CLCN3: variants seen among roughly 807,000 people sequenced by gnomAD.
The protein encoded by CLCN3 is Cl-/H+ antiporter 3, also known as H(+)/Cl(-) exchange transporter 3.
CLCN3 carries 16 observed loss-of-function variants against 83.4 expected under a neutral mutation model. That is an observed-to-expected ratio of 0.19 (90% CI 0.13 to 0.29). The LOEUF (loss-of-function observed/expected upper bound fraction) is 0.29, where lower values mean the gene tolerates loss of function less well. Among genes scored for constraint, CLCN3 ranks in the 10% least tolerant of loss-of-function variants. The pLI is 1.00. For synonymous variants in CLCN3, 322 were observed against 346.2 expected (o/e 0.93, Z 0.78); for missense variants, 544 against 1,006.0 (o/e 0.54, Z 6.21).
intron 7 of CLCN3, among the ~76,000 whole-genome samples, chr4:169,695,384 T>A (rs183373825): frequency 1.3e-5 from 2 of 152,184 alleles, no homozygotes; most frequent in Admixed American, 6.5e-5. Flanking sequence ...CTGGCAAAAA[T>A]TTTTTTTAAC....
intron 2 of CLCN3, among the ~76,000 whole-genome samples, chr4:169,645,522 T>C (rs1247969245): frequency 1.3e-5 from 2 of 152,222 alleles, no homozygotes; most frequent in African/African-American, 2.4e-5. Context: ...TCCAGGTCAT[T>C]CCGAGGTATA....
intron 1 of CLCN3, among the ~76,000 whole-genome samples, chr4:169,632,326 T>C (rs1173286806): frequency 5.3e-5 from 8 of 152,046 alleles, no homozygotes; most frequent in Non-Finnish European, 1.2e-4. Context: ...AAGTAAGATA[T>C]ACAACTGGCC....
In CLCN3 at chr4:169,678,583, G is replaced by A. The variant is rs561816887; in HGVS notation, c.161-1467G>A. On this transcript the variant is annotated intron_variant, in intron 2 of 12. Coordinates refer to ENST00000513761, the MANE Select transcript of CLCN3 (RefSeq NM_001829.4). ...CCCTGCGGCCTTCCACAGTGTTTGTGTCCCTGGGTACTTGAGATTAGGGAG... is the reference window on the plus strand; with the variant it reads ...CCCTGCGGCCTTCCACAGTGTTTGTATCCCTGGGTACTTGAGATTAGGGAG... 2.0e-5 allele frequency among the ~76,000 whole-genome samples: 3 copies of A among 152,222 alleles called. No homozygotes were observed. The East Asian group carries it at 5.8e-4, about 29-fold the overall frequency.
At chr4:169,690,481 G>C (rs757137128) in intron 5 of CLCN3, 49 bp from the exon 6 acceptor site, 2 of 1,575,268 alleles carry the variant, frequency 1.3e-6, no homozygotes, top group Non-Finnish European at 1.7e-6. Flanking sequence ...ATTTGCATTA[G>C]AGGTGCAATG....
At chr4:169,660,532 T>C in intron 2 of CLCN3, 2 of 989,188 alleles carry the variant, frequency 2.0e-6, no homozygotes, top group South Asian at 3.6e-5. Context: ...CTGGTTCTCG[T>C]TTGTCCTTTA....
At chr4:169,686,588 T>C (rs1732167829) in intron 3 of CLCN3, among the ~76,000 whole-genome samples, 1 of 152,136 alleles carries the variant, frequency 6.6e-6, no homozygotes, top group Admixed American at 6.5e-5. Context: ...AGCTAATTTC[T>C]GTATTTTTAG....
At chr4:169,636,914 C>T (rs1278556555) in intron 2 of CLCN3, among the ~76,000 whole-genome samples, 1 of 151,728 alleles carries the variant, frequency 6.6e-6, no homozygotes, top group East Asian at 1.9e-4. Context: ...GAGATACTTC[C>T]ATTTCTTTTT....
intron 2 of CLCN3, among the ~76,000 whole-genome samples, chr4:169,656,522 G>T (rs1381238690): frequency 6.6e-6 from 1 of 152,104 alleles, no homozygotes; most frequent in African/African-American, 2.4e-5. Flanking sequence ...TCCAACATTG[G>T]GGATTACAAT....
Position 169,620,623 on chromosome 4 carries a change from A to G in CLCN3, c.-457A>G, listed in dbSNP as rs1268875792. ...AGGGCCGGTCCGGTCCGGAACCTGC[A>G]GCCCCTTTCCCAGTGTTCTAGTTCG... On this transcript the variant is annotated 5_prime_UTR_variant, in exon 1 of 13. Coordinates refer to ENST00000513761, the MANE Select transcript of CLCN3 (RefSeq NM_001829.4). The G allele has an allele frequency of 5.0e-6, 2 of 397,246 alleles. No homozygotes were observed. The highest frequency in any genetic ancestry group is 8.9e-6 in the Non-Finnish European group (2 of 225,870). The allele number at this position is 397,246 out of a possible 1,614,324, so 24.6% of individuals were successfully genotyped here.
At position 169,713,082 on chromosome 4, in the gene CLCN3, G is replaced by A; in HGVS notation, c.2153G>A (p.Ser718Asn). ...GGTCTCTTCTCTCTCTTTTCAGAAA[G>A]TGCCAGGAAAAAACAAGAAGGTATC... ...LRRDLTIAIE[S>N]ARKKQEGIVG... The change falls in exon 12 of 13, where the codon AGT becomes AAT. Residue 718 changes from serine (S) to asparagine (N), a missense_variant. Transcript: ENST00000513761. The A allele has an allele frequency of 1.2e-6, 2 of 1,613,386 alleles. No homozygotes were observed. The highest frequency in any genetic ancestry group is 1.7e-6 in the Non-Finnish European group (2 of 1,179,450).
chr4:169,660,409 G>A, intron 2 of CLCN3: 2 of 1,407,884 alleles, frequency 1.4e-6, no homozygotes, highest in Non-Finnish European at 1.8e-6. Flanking sequence ...TTATGACGGG[G>A]GAGGAGACAG....
In CLCN3 at chr4:169,721,342, G is replaced by A. The variant is rs963144620; in HGVS notation, c.*1345G>A. 2.0e-5 allele frequency: 3 copies of A among 152,106 alleles called. No individual in the cohort carries two copies. The highest frequency in any genetic ancestry group is 2.1e-4 in the South Asian group (1 of 4,824). 9.4% of individuals were successfully genotyped at this position (152,106 alleles called of 1,614,324 possible). Reference sequence around the variant, plus strand: ...GAACAAAGGTTTAAAAAAAGGTTGTGGTTCTCTCTCTGTGATCCAGTGTGC... The same window carrying A: ...GAACAAAGGTTTAAAAAAAGGTTGTAGTTCTCTCTCTGTGATCCAGTGTGC... On this transcript the variant is annotated 3_prime_UTR_variant, in exon 13 of 13. Coordinates refer to ENST00000513761, the MANE Select transcript of CLCN3 (RefSeq NM_001829.4).
chr4:169,661,656 G>T (rs1189239765), intron 2 of CLCN3, among the ~76,000 whole-genome samples: 1 of 151,932 alleles, frequency 6.6e-6, no homozygotes, highest in Non-Finnish European at 1.5e-5. Context: ...CATACATTGT[G>T]CTTTCTCTTA....
rs569092779 is a variant in CLCN3, at chr4:169,625,760, A to G, written c.-17+4697A>G. Among the ~76,000 whole-genome samples, 11 of 152,300 alleles carry G rather than the reference A, an allele frequency of 7.2e-5. No individual in the cohort carries two copies. In the South Asian group the frequency reaches 1.7e-3, roughly 23 times the overall value. On this transcript the variant is annotated intron_variant, in intron 1 of 12. Coordinates refer to ENST00000513761, the MANE Select transcript of CLCN3 (RefSeq NM_001829.4). ...TATTAATTACCAGGTCCTCTTAAAT[A>G]TTTCTTCAAACTCTCTCTGCTTCTC...
chr4:169,648,454 T>G (rs901410025), intron 2 of CLCN3, among the ~76,000 whole-genome samples: 3 of 152,124 alleles, frequency 2.0e-5, no homozygotes, highest in Non-Finnish European at 4.4e-5. Context: ...TGATGAAAAA[T>G]ATAAGGTAGA....
chr4:169,715,998 T>G (rs1238870274), intron 12 of CLCN3, among the ~76,000 whole-genome samples: 1 of 152,166 alleles, frequency 6.6e-6, no homozygotes, highest in African/African-American at 2.4e-5. Context: ...CAACTATTTT[T>G]GGGTTGCAGG....
chr4:169,658,523 G>T (rs1730953183), intron 2 of CLCN3, among the ~76,000 whole-genome samples: 1 of 151,876 alleles, frequency 6.6e-6, no homozygotes, highest in African/African-American at 2.4e-5. Flanking sequence ...CTTTATAAAT[G>T]CCATACAATT....
intron 2 of CLCN3, among the ~76,000 whole-genome samples, chr4:169,652,580 T>C (rs1730760564): frequency 6.6e-6 from 1 of 152,232 alleles, no homozygotes; most frequent in Non-Finnish European, 1.5e-5. Flanking sequence ...TGGTGGTTAC[T>C]AACAATGCTA....
At chr4:169,646,722 A>G (rs1730584831) in intron 2 of CLCN3, among the ~76,000 whole-genome samples, 1 of 152,202 alleles carries the variant, frequency 6.6e-6, no homozygotes, top group Admixed American at 6.5e-5. Flanking sequence ...GTATTGCATA[A>G]GGGCCCACCA....
Sources: gnomAD v4.1 joint callset for allele counts (sites outside exome capture counted in the v4.1 genomes callset) on GRCh38, gnomAD v4.1.1 for gene constraint, MANE v1.5 for transcripts, NCBI Gene and HGNC (gene_info 2026-07-23, HGNC 2026-07-21) for gene names.